Variants in SPINT2 observed in about 807,000 individuals in gnomAD.
The protein encoded by SPINT2 is serine peptidase inhibitor, Kunitz type 2, also known as kunitz-type protease inhibitor 2.
A neutral mutation model predicts 30.1 loss-of-function variants in SPINT2; 18 were observed. That is an observed-to-expected ratio of 0.60 (90% CI 0.41 to 0.89). SPINT2 has a LOEUF of 0.89. Ranked by LOEUF, SPINT2 falls within the 40% of genes least tolerant of loss-of-function variation. The pLI is 0.00. For synonymous variants in SPINT2, 139 were observed against 137.9 expected (o/e 1.01, Z -0.05); for missense variants, 276 against 334.3 (o/e 0.83, Z 1.36).
intron 1 of SPINT2, among the ~76,000 whole-genome samples, chr19:38,271,652 T>G (rs1451058461): frequency 6.6e-6 from 1 of 151,108 alleles, no homozygotes; most frequent in African/African-American, 2.4e-5. Flanking sequence ...GCCAAGATGT[T>G]GAAACCCCAT....
Position 38,285,591 on chromosome 19 carries a change from T to C in SPINT2, c.277+1794T>C, listed in dbSNP as rs564545907. Among the ~76,000 whole-genome samples, 65 of 152,270 alleles carry C rather than the reference T, an allele frequency of 4.3e-4. 1 individual carries two copies. In the South Asian group the frequency reaches 5.4e-3, roughly 13 times the overall value. On this transcript the variant is annotated intron_variant, in intron 2 of 6. Transcript: ENST00000301244. ...AACGCTTGAGCTCAAGCAATCTGCC[T>C]GCCTCCCAAAGTGCTAGGATTACAG...
intron 1 of SPINT2, among the ~76,000 whole-genome samples, chr19:38,278,132 C>T (rs972774869): frequency 6.6e-6 from 1 of 152,176 alleles, no homozygotes; most frequent in Non-Finnish European, 1.5e-5. Flanking sequence ...CAGCCCTGGC[C>T]GTTTCCTTTG....
chr19:38,271,556 G>A (rs934826188), intron 1 of SPINT2, among the ~76,000 whole-genome samples: 10 of 151,812 alleles, frequency 6.6e-5, no homozygotes, highest in Non-Finnish European at 1.2e-4. Context: ...ATGTTTGGCC[G>A]GGTACAGTGG....
At chr19:38,286,708 G>A (rs915160480) in intron 2 of SPINT2, among the ~76,000 whole-genome samples, 1 of 152,140 alleles carries the variant, frequency 6.6e-6, no homozygotes, top group African/African-American at 2.4e-5. Context: ...GTGTGAACCC[G>A]GGAGGTGGAG....
intron 1 of SPINT2, 114 bp from the exon 2 acceptor site, chr19:38,283,513 A>G (rs1411407644): frequency 3.6e-5 from 48 of 1,332,740 alleles, no homozygotes; most frequent in Middle Eastern, 2.5e-4. Context: ...TCACAGGGGA[A>G]CTGCTGGAAC....
rs548674159 is a variant in SPINT2, at chr19:38,291,698, A to G, written c.593-142A>G. On this transcript the variant is annotated intron_variant, in intron 6 of 6. Coordinates refer to ENST00000301244, the MANE Select transcript of SPINT2 (RefSeq NM_021102.4). ...GGCAGGCTGTGTCCTCTCCAGCTGC[A>G]GTTCTGGACCCTGTCTGGGTTGGGG... The G allele has an allele frequency of 4.4e-5, 43 of 984,856 alleles. No homozygotes were observed. The East Asian group carries it at 9.5e-4, about 22-fold the overall frequency. The allele number at this position is 984,856 out of a possible 1,614,324, so 61.0% of individuals were successfully genotyped here. A position where few individuals can be genotyped will look rare whatever the true frequency, so the allele number is the denominator to read the frequency against.
intron 1 of SPINT2, among the ~76,000 whole-genome samples, chr19:38,283,089 A>T (rs1374231797): frequency 6.7e-6 from 1 of 150,348 alleles, no homozygotes; most frequent in Middle Eastern, 3.2e-3. Flanking sequence ...AGGCAGGCGG[A>T]TTGCTTGATC....
At chr19:38,266,326 A>G (rs1322722292) in intron 1 of SPINT2, among the ~76,000 whole-genome samples, 1 of 151,946 alleles carries the variant, frequency 6.6e-6, no homozygotes, top group Non-Finnish European at 1.5e-5. Flanking sequence ...CAGTGAGCCA[A>G]GATCGCGCCA....
intron 1 of SPINT2, among the ~76,000 whole-genome samples, chr19:38,280,216 G>A (rs1369688783): frequency 6.6e-6 from 1 of 152,170 alleles, no homozygotes; most frequent in Non-Finnish European, 1.5e-5. Flanking sequence ...CAGAAAGGAA[G>A]CGTCTCAGGG....
At chr19:38,270,819 G>A (rs1968446068) in intron 1 of SPINT2, among the ~76,000 whole-genome samples, 1 of 152,244 alleles carries the variant, frequency 6.6e-6, no homozygotes, top group South Asian at 2.1e-4. Context: ...GGAGGCTACA[G>A]GGGAGGCTGA....
In SPINT2 at chr19:38,287,956, G is replaced by T. The variant is rs58675991; in HGVS notation, c.337+21G>T. On this transcript the variant is annotated intron_variant, in intron 3 of 6. Transcript: ENST00000301244. ...AAGTGGTAGGTTCTTAAAGAGACCC[G>T]CGATGGAGTGAGGCCACCGGATGGG... 709 of 1,613,780 alleles carry T rather than the reference G, an allele frequency of 4.4e-4. 3 individuals are homozygous for T. The African/African-American group carries it at 8.2e-3, about 19-fold the overall frequency.
chr19:38,283,004 GT>G (rs60957053), intron 1 of SPINT2, among the ~76,000 whole-genome samples: 40,318 of 146,960 alleles, frequency 0.27, 5,639 homozygotes, highest in East Asian at 0.37. Context: ...GTTTTGTTTT[GT>G]TTTTTTTTTT....
chr19:38,271,394 A>C (rs905845994), intron 1 of SPINT2, among the ~76,000 whole-genome samples: 1 of 152,112 alleles, frequency 6.6e-6, no homozygotes, highest in African/African-American at 2.4e-5. Context: ...TGGGAGGCTA[A>C]GGCAGGAGAA....
chr19:38,272,626 C>T lies in SPINT2; in HGVS notation c.106+7628C>T, dbSNP rs1448916830. Among the ~76,000 whole-genome samples the T allele has an allele frequency of 3.9e-5, 6 of 152,012 alleles. No homozygotes were observed. In the East Asian group the frequency reaches 7.7e-4, roughly 20 times the overall value. On this transcript the variant is annotated intron_variant, in intron 1 of 6. Coordinates refer to ENST00000301244, the MANE Select transcript of SPINT2 (RefSeq NM_021102.4). The stretch of plus-strand genomic sequence containing the variant: ...CTCGGGTTCTTGTTATGGATTGAGG[C>T]GAGGGTAGACTTAATAGTCTTGTTT...
At chr19:38,268,763 G>GCA (rs776148737) in intron 1 of SPINT2, among the ~76,000 whole-genome samples, 3 of 113,410 alleles carry the variant, frequency 2.6e-5, no homozygotes, top group African/African-American at 8.8e-5. Context: ...GCATGCGCGC[G>GCA]CGCGTGTGTG....
chr19:38,268,051 T>A (rs1315046622), intron 1 of SPINT2, among the ~76,000 whole-genome samples: 1 of 151,924 alleles, frequency 6.6e-6, no homozygotes, highest in Non-Finnish European at 1.5e-5. Context: ...TCAAGACCAG[T>A]CCTGAGTACC....
rs144188828 is a variant in SPINT2, at chr19:38,267,649, C to CG, written c.106+2658dup. ...GTCTAGGTGTGACCCTGAGAGGAAG[C>CG]GGGGGGGCGAGGGTGGGAGGAGATC... On this transcript the variant is annotated intron_variant, in intron 1 of 6. Transcript: ENST00000301244. Among the ~76,000 whole-genome samples, 192 of 143,004 alleles carry CG rather than the reference C, an allele frequency of 1.3e-3. 4 individuals are homozygous for CG. Among genetic ancestry groups the CG allele is most frequent in the Middle Eastern group, 7.1e-3 (2 of 282 alleles). The allele number at this position is 143,004 out of a possible 152,430, so 93.8% of individuals were successfully genotyped here. A position where few individuals can be genotyped will look rare whatever the true frequency, so the allele number is the denominator to read the frequency against.
At chr19:38,280,031 A>G (rs890933473) in intron 1 of SPINT2, among the ~76,000 whole-genome samples, 30 of 152,188 alleles carry the variant, frequency 2.0e-4, no homozygotes, top group African/African-American at 7.2e-4. Context: ...AAGGAACCTG[A>G]AAATAAGGCT....
At chr19:38,275,831 G>A (rs981326805) in intron 1 of SPINT2, among the ~76,000 whole-genome samples, 2 of 151,420 alleles carry the variant, frequency 1.3e-5, no homozygotes, top group African/African-American at 2.4e-5. Flanking sequence ...GGGTTCAAAC[G>A]ATTCTCCTGC....
Sources: allele counts gnomAD v4.1 joint callset (sites outside exome capture counted in the v4.1 genomes callset), GRCh38; gene constraint gnomAD v4.1.1; transcripts MANE v1.5; gene names NCBI Gene and HGNC (gene_info 2026-07-23, HGNC 2026-07-21).